The following FGF12 variants were observed in gnomAD, a reference collection of about 807,000 sequenced individuals.
FGF12 encodes fibroblast growth factor 12.
In FGF12, 14 loss-of-function variants were observed where a neutral mutation model predicts 23.6. The ratio of observed to expected loss-of-function variants is 0.59; its 90% CI spans 0.39 to 0.93. The LOEUF (loss-of-function observed/expected upper bound fraction) is 0.93, where lower values mean the gene tolerates loss of function less well. FGF12 is among the 40% of genes least tolerant of loss of function. FGF12 has a pLI of 0.00. For missense variants in FGF12, 175 were observed against 217.8 expected (o/e 0.80, Z 1.24); for synonymous variants, 62 against 77.3 (o/e 0.80, Z 1.04).
At chr3:192,703,182 A>G (rs1013163043) in intron 2 of FGF12, among the ~76,000 whole-genome samples, 10 of 152,240 alleles carry the variant, frequency 6.6e-5, no homozygotes, top group African/African-American at 2.2e-4. Context: ...CCTTACAGAT[A>G]TAGTGGGTTG....
chr3:192,158,393 C>CTTTCTTTCCTTTCTT (rs1368589642), intron 5 of FGF12, among the ~76,000 whole-genome samples: 1 of 79,232 alleles, frequency 1.3e-5, no homozygotes, highest in African/African-American at 9.9e-5. Context: ...TTTTCTTTCT[C>CTTTCTTTCCTTTCTT]TCTCTTTCTT....
chr3:192,342,574 T>C (rs777672649), intron 3 of FGF12, among the ~76,000 whole-genome samples: 6 of 152,114 alleles, frequency 3.9e-5, no homozygotes, highest in Non-Finnish European at 7.4e-5. Flanking sequence ...AGTTTGCGAC[T>C]AGCCTGGGAA....
At position 192,721,282 on chromosome 3, in the gene FGF12, A is replaced by G. The variant is rs141313398; in HGVS notation, c.13+5899T>C. On this transcript the variant is annotated intron_variant, in intron 2 of 5. Transcript: ENST00000445105. The stretch of plus-strand genomic sequence containing the variant: ...GAGTTCTAAATACTTTATTAGCATG[A>G]GTTTTATTTCATAATCATGATATTA... 4.2e-3 allele frequency among the ~76,000 whole-genome samples: 644 copies of G among 152,320 alleles called. 3 individuals are homozygous for G. Among genetic ancestry groups the G allele is most frequent in the African/African-American group, 0.015 (620 of 41,558 alleles).
intron 2 of FGF12, among the ~76,000 whole-genome samples, chr3:192,483,083 G>C (rs924326889): frequency 6.6e-6 from 1 of 152,146 alleles, no homozygotes; most frequent in Non-Finnish European, 1.5e-5. Flanking sequence ...CTGCATGCCA[G>C]TAACCCTGCC....
intron 4 of FGF12, among the ~76,000 whole-genome samples, chr3:192,219,281 C>T (rs959541626): frequency 3.3e-5 from 5 of 152,008 alleles, no homozygotes; most frequent in Non-Finnish European, 5.9e-5. Flanking sequence ...GATGGGTTTT[C>T]GCCATGTTGG....
chr3:192,503,212 T>C (rs1724185015), intron 2 of FGF12, among the ~76,000 whole-genome samples: 1 of 152,212 alleles, frequency 6.6e-6, no homozygotes, highest in Non-Finnish European at 1.5e-5. Flanking sequence ...TGTCAGGACT[T>C]GAGAAATAAA....
chr3:192,496,561 C>A (rs994284011), intron 2 of FGF12, among the ~76,000 whole-genome samples: 2 of 152,154 alleles, frequency 1.3e-5, no homozygotes, highest in African/African-American at 4.8e-5. Context: ...CTCACATTCC[C>A]TTACTTCTCC....
chr3:192,585,829 C>T (rs1230865250), intron 2 of FGF12, among the ~76,000 whole-genome samples: 5 of 152,110 alleles, frequency 3.3e-5, no homozygotes, highest in African/African-American at 1.2e-4. Context: ...AAGAGTTTAG[C>T]TTCACCGATG....
chr3:192,582,631 C>A (rs1419707867), intron 2 of FGF12, among the ~76,000 whole-genome samples: 1 of 151,826 alleles, frequency 6.6e-6, no homozygotes, highest in African/African-American at 2.4e-5. Flanking sequence ...GAATTTCAGT[C>A]CTGGTGGTTG....
intron 2 of FGF12, among the ~76,000 whole-genome samples, chr3:192,539,170 A>G (rs1328603872): frequency 6.6e-6 from 1 of 152,140 alleles, no homozygotes; most frequent in African/African-American, 2.4e-5. Context: ...GACTTCCACT[A>G]TTATGTTGAA....
intron 2 of FGF12, among the ~76,000 whole-genome samples, chr3:192,564,871 T>C (rs531944855): frequency 6.6e-6 from 1 of 152,356 alleles, no homozygotes; most frequent in East Asian, 1.9e-4. Flanking sequence ...ATGTAAGCTC[T>C]TGAGACAAAT....
chr3:192,353,039 T>G (rs1718295918), intron 3 of FGF12, among the ~76,000 whole-genome samples: 1 of 152,174 alleles, frequency 6.6e-6, no homozygotes, highest in Non-Finnish European at 1.5e-5. Context: ...ATATCAGAAG[T>G]AAATAAAAGA....
chr3:192,230,134 T>C lies in FGF12; in HGVS notation c.229-59478A>G, dbSNP rs186686792. ...ACTTACTGAATCAGAATATACATTT[T>C]ACCCATATTGCCAATAGACTTATTC... On this transcript the variant is annotated intron_variant, in intron 4 of 5. Coordinates refer to ENST00000445105, the MANE Select transcript of FGF12 (RefSeq NM_004113.6). Among the ~76,000 whole-genome samples, 176 of 152,222 alleles carry C rather than the reference T, an allele frequency of 1.2e-3. 1 individual carries two copies. The highest frequency in any genetic ancestry group is 4.8e-3 in the Admixed American group (74 of 15,284).
chr3:192,497,534 T>C (rs548704205), intron 2 of FGF12, among the ~76,000 whole-genome samples: 4 of 152,360 alleles, frequency 2.6e-5, no homozygotes, highest in African/African-American at 9.6e-5. Context: ...CAAATATATG[T>C]CACAGTGTAA....
chr3:192,240,167 A>G (rs778009206), intron 4 of FGF12, among the ~76,000 whole-genome samples: 2 of 152,192 alleles, frequency 1.3e-5, no homozygotes, highest in Admixed American at 6.5e-5. Flanking sequence ...AAACAGATGC[A>G]TTCATGCTTC....
rs755560177 is a variant in FGF12, at chr3:192,305,854, G to GTTTTTTTTT, written c.228+29498_228+29506dup. Among the ~76,000 whole-genome samples, 12 of 77,462 alleles carry GTTTTTTTTT rather than the reference G, an allele frequency of 1.5e-4. 1 individual carries two copies. Among genetic ancestry groups the GTTTTTTTTT allele is most frequent in the African/African-American group, 4.4e-4 (7 of 15,770 alleles). The allele number at this position is 77,462 out of a possible 152,430, so 50.8% of individuals were successfully genotyped here. A position where few individuals can be genotyped will look rare whatever the true frequency, so the allele number is the denominator to read the frequency against. ...TGACACTGCTCAATCCATCTCTCTG[G>GTTTTTTTTT]TTTTTTTTTTTTTTTTTTTTTTTTG... On this transcript the variant is annotated intron_variant, in intron 4 of 5. Coordinates refer to ENST00000445105, the MANE Select transcript of FGF12 (RefSeq NM_004113.6).
intron 2 of FGF12, among the ~76,000 whole-genome samples, chr3:192,392,215 A>G (rs1335803501): frequency 6.6e-6 from 1 of 152,146 alleles, no homozygotes; most frequent in Non-Finnish European, 1.5e-5. Context: ...GGGAAACATC[A>G]TTTTATAATC....
In FGF12 at chr3:192,154,439, G is replaced by A. The variant is rs1257932583; in HGVS notation, c.428-10312C>T. On this transcript the variant is annotated intron_variant, in intron 5 of 5. Coordinates refer to ENST00000445105, the MANE Select transcript of FGF12 (RefSeq NM_004113.6). ...TCTGTTCTGTTTTTTCCCCATTTTT[G>A]TGGTTTTATCTACTTTTGGTCTTTG... 3.3e-5 allele frequency among the ~76,000 whole-genome samples: 4 copies of A among 120,348 alleles called. 1 individual carries two copies. Among genetic ancestry groups the A allele is most frequent in the African/African-American group, 1.2e-4 (4 of 32,566 alleles). The allele number at this position is 120,348 out of a possible 152,430, so 79.0% of individuals were successfully genotyped here. A position where few individuals can be genotyped will look rare whatever the true frequency, so the allele number is the denominator to read the frequency against.
chr3:192,283,395 A>G (rs1314167541), intron 4 of FGF12, among the ~76,000 whole-genome samples: 1 of 152,140 alleles, frequency 6.6e-6, no homozygotes, highest in Non-Finnish European at 1.5e-5. Flanking sequence ...TCAGAGAGGC[A>G]ACTAAACTCT....
Sources: gnomAD v4.1 joint callset for allele counts (sites outside exome capture counted in the v4.1 genomes callset) on GRCh38, gnomAD v4.1.1 for gene constraint, MANE v1.5 for transcripts, NCBI Gene and HGNC (gene_info 2026-07-23, HGNC 2026-07-21) for gene names.